The following UBE2E2 variants were observed in gnomAD, a reference collection of about 807,000 sequenced individuals.
UBE2E2 encodes the protein ubiquitin-conjugating enzyme E2 E2.
In UBE2E2, 6 loss-of-function variants were observed where a neutral mutation model predicts 24.7. That is an observed-to-expected ratio of 0.24 (90% CI 0.13 to 0.48). The LOEUF (loss-of-function observed/expected upper bound fraction) is 0.48. UBE2E2 is among the 20% of genes least tolerant of loss of function. The probability of loss-of-function intolerance (pLI) is 0.99; values close to 1 mark genes in which losing one functional copy is unlikely to be tolerated. For missense variants in UBE2E2, 169 were observed against 245.0 expected (o/e 0.69, Z 2.07); for synonymous variants, 104 against 83.6 (o/e 1.24, Z -1.33).
chr3:23,283,202 C>G (rs906585956), intron 3 of UBE2E2, among the ~76,000 whole-genome samples: 4 of 151,904 alleles, frequency 2.6e-5, no homozygotes, highest in Non-Finnish European at 4.4e-5. Flanking sequence ...CTGAAGGCAA[C>G]CAGTAAAAAA....
At chr3:23,573,208 T>G (rs1696265359) in intron 5 of UBE2E2, among the ~76,000 whole-genome samples, 1 of 152,178 alleles carries the variant, frequency 6.6e-6, no homozygotes, top group Non-Finnish European at 1.5e-5. Context: ...ATAGGAAGCT[T>G]GTGTATGATA....
At chr3:23,536,584 T>C (rs574428876) in intron 5 of UBE2E2, among the ~76,000 whole-genome samples, 31 of 152,310 alleles carry the variant, frequency 2.0e-4, no homozygotes, top group South Asian at 1.4e-3. Context: ...AAACATTTGA[T>C]ATTGAGAAAT....
In UBE2E2 at chr3:23,353,491, C is replaced by T. The variant is rs909187355; in HGVS notation, c.227+136179C>T. 9.8e-4 allele frequency among the ~76,000 whole-genome samples: 150 copies of T among 152,288 alleles called. 3 individuals are homozygous for T. In the South Asian group the frequency reaches 0.012, roughly 13 times the overall value. ...TGATAGTATATCTAGAAAACCCCAT[C>T]GTGTCAGCCCAAAATCTCCTTAAGC... On this transcript the variant is annotated intron_variant, in intron 3 of 5. Coordinates refer to ENST00000396703, the MANE Select transcript of UBE2E2 (RefSeq NM_152653.4).
At chr3:23,504,630 T>A (rs977989569) in intron 4 of UBE2E2, among the ~76,000 whole-genome samples, 1 of 152,210 alleles carries the variant, frequency 6.6e-6, no homozygotes, top group Non-Finnish European at 1.5e-5. Flanking sequence ...TGGCAATAGA[T>A]GAAAAGTCGT....
intron 3 of UBE2E2, among the ~76,000 whole-genome samples, chr3:23,259,811 T>C (rs1214253564): frequency 6.6e-6 from 1 of 152,190 alleles, no homozygotes; most frequent in Non-Finnish European, 1.5e-5. Context: ...TTCCCAATTC[T>C]GAAACAAAAG....
At chr3:23,363,010 A>G (rs1004736880) in intron 3 of UBE2E2, among the ~76,000 whole-genome samples, 1 of 152,246 alleles carries the variant, frequency 6.6e-6, no homozygotes, top group African/African-American at 2.4e-5. Context: ...TCTTAAAGAA[A>G]AGAAATTCCA....
chr3:23,384,256 G>A (rs6768277), intron 3 of UBE2E2, among the ~76,000 whole-genome samples: 6,235 of 152,170 alleles, frequency 0.041, 444 homozygotes, highest in African/African-American at 0.14. Context: ...TCGACCTCCT[G>A]GGCTCAACCA....
chr3:23,203,363 C>G lies in UBE2E2; in HGVS notation c.-110C>G. On this transcript the variant is annotated 5_prime_UTR_variant, in exon 1 of 6. Coordinates refer to ENST00000396703, the MANE Select transcript of UBE2E2 (RefSeq NM_152653.4). The stretch of plus-strand genomic sequence containing the variant: ...ACTAGACGGTCCGCAGGGGACATCC[C>G]GTCCCTGGGGCCTCCCCAGTCTCCC... The G allele has an allele frequency of 3.0e-6, 3 of 985,944 alleles. No homozygotes were observed. Among genetic ancestry groups the G allele is most frequent in the Non-Finnish European group, 3.6e-6 (3 of 830,326 alleles). 61.1% of individuals were successfully genotyped at this position (985,944 alleles called of 1,614,324 possible).
At chr3:23,549,869 C>T (rs1445383600) in intron 5 of UBE2E2, among the ~76,000 whole-genome samples, 1 of 151,922 alleles carries the variant, frequency 6.6e-6, no homozygotes, top group Non-Finnish European at 1.5e-5. Context: ...CCTGTGTCTT[C>T]TAAAAATACA....
intron 5 of UBE2E2, among the ~76,000 whole-genome samples, chr3:23,587,085 G>A (rs550971253): frequency 9.2e-5 from 14 of 152,184 alleles, no homozygotes; most frequent in African/African-American, 2.9e-4. Context: ...TATAGTTAGT[G>A]TGTATAATTT....
At chr3:23,211,354 A>G (rs1575472566) in intron 2 of UBE2E2, among the ~76,000 whole-genome samples, 2 of 152,052 alleles carry the variant, frequency 1.3e-5, no homozygotes, top group African/African-American at 4.8e-5. Context: ...CTCTAGAGAC[A>G]GCATCTACGT....
At position 23,425,763 on chromosome 3, in the gene UBE2E2, C is replaced by T. The variant is rs144291111; in HGVS notation, c.228-73845C>T. 5.2e-4 allele frequency among the ~76,000 whole-genome samples: 79 copies of T among 152,228 alleles called. 1 individual carries two copies. In the East Asian group the frequency reaches 9.8e-3, roughly 19 times the overall value. On this transcript the variant is annotated intron_variant, in intron 3 of 5. Coordinates refer to ENST00000396703, the MANE Select transcript of UBE2E2 (RefSeq NM_152653.4). The stretch of plus-strand genomic sequence containing the variant: ...TCATAGGACTATAGAATGCTCTACC[C>T]TCCCCCGCTTTCTTACCCCCACTTT...
At chr3:23,213,127 T>C (rs1445991838) in intron 2 of UBE2E2, among the ~76,000 whole-genome samples, 1 of 152,118 alleles carries the variant, frequency 6.6e-6, no homozygotes, top group Non-Finnish European at 1.5e-5. Flanking sequence ...TGAAGGGTTT[T>C]AAAAAAATTC....
chr3:23,260,259 A>T (rs1424588670), intron 3 of UBE2E2, among the ~76,000 whole-genome samples: 1 of 152,204 alleles, frequency 6.6e-6, no homozygotes, highest in Non-Finnish European at 1.5e-5. Context: ...TATGTTTATA[A>T]TGCTATATAT....
At chr3:23,459,710 T>G (rs914302421) in intron 3 of UBE2E2, among the ~76,000 whole-genome samples, 1 of 152,208 alleles carries the variant, frequency 6.6e-6, no homozygotes, top group African/African-American at 2.4e-5. Flanking sequence ...TAAGTTGTTA[T>G]GGAAGTTTCT....
intron 3 of UBE2E2, among the ~76,000 whole-genome samples, chr3:23,257,302 A>G (rs550214250): frequency 6.6e-6 from 1 of 152,286 alleles, no homozygotes; most frequent in East Asian, 1.9e-4. Flanking sequence ...GCTCTTCATC[A>G]GAGCAGGACT....
intron 3 of UBE2E2, among the ~76,000 whole-genome samples, chr3:23,219,250 G>T (rs1696560785): frequency 1.3e-5 from 2 of 152,126 alleles, no homozygotes; most frequent in African/African-American, 2.4e-5. Context: ...ACTCCCTTTG[G>T]CAAGCAAAGG....
intron 3 of UBE2E2, among the ~76,000 whole-genome samples, chr3:23,356,505 A>G (rs1372826332): frequency 1.3e-5 from 2 of 152,144 alleles, no homozygotes; most frequent in East Asian, 3.9e-4. Flanking sequence ...TCTCACCTTC[A>G]TATGTTTCCT....
intron 3 of UBE2E2, among the ~76,000 whole-genome samples, chr3:23,293,648 G>A (rs955934715): frequency 2.6e-5 from 4 of 152,168 alleles, no homozygotes; most frequent in African/African-American, 7.2e-5. Context: ...GATTGAATGA[G>A]CTATTATTAA....
Sources: gnomAD v4.1 joint callset for allele counts (sites outside exome capture counted in the v4.1 genomes callset) on GRCh38, gnomAD v4.1.1 for gene constraint, MANE v1.5 for transcripts, NCBI Gene and HGNC (gene_info 2026-07-23, HGNC 2026-07-21) for gene names.